GALNT13: variants seen among roughly 807,000 people sequenced by gnomAD.
GALNT13 encodes the protein polypeptide N-acetylgalactosaminyltransferase 13.
A neutral mutation model predicts 64.2 loss-of-function variants in GALNT13; 28 were observed. That is an observed-to-expected ratio of 0.44 (90% CI 0.32 to 0.60). The LOEUF is 0.60. Ranked by LOEUF, GALNT13 falls within the 20% of genes least tolerant of loss-of-function variation. The probability of loss-of-function intolerance (pLI) is 0.05; values close to 1 mark genes in which losing one functional copy is unlikely to be tolerated. For missense variants in GALNT13, 577 were observed against 669.8 expected (o/e 0.86, Z 1.53); for synonymous variants, 214 against 224.6 (o/e 0.95, Z 0.42).
intron 11 of GALNT13, among the ~76,000 whole-genome samples, chr2:154,429,377 G>A (rs549550323): frequency 1.1e-4 from 16 of 152,260 alleles, no homozygotes; most frequent in South Asian, 2.1e-4. Context: ...GCCTTATTCC[G>A]TATATAGAGA....
At chr2:154,417,637 G>A (rs1342607746) in intron 11 of GALNT13, among the ~76,000 whole-genome samples, 1 of 151,204 alleles carries the variant, frequency 6.6e-6, no homozygotes, top group African/African-American at 2.4e-5. Context: ...CAGCCCCCCC[G>A]AGTAGCTGGG....
At chr2:154,130,320 A>G (rs1682536472) in intron 3 of GALNT13, among the ~76,000 whole-genome samples, 1 of 152,172 alleles carries the variant, frequency 6.6e-6, no homozygotes, top group Non-Finnish European at 1.5e-5. Flanking sequence ...GTATGGACAT[A>G]GAGGTCAGCA....
At chr2:153,504,039 T>C in the GALNT13 span, among the ~76,000 whole-genome samples, 2 of 152,204 alleles carry the variant, frequency 1.3e-5, no homozygotes. Flanking sequence ...TCCATTTGTT[T>C]GTTTGTGTTG....
At chr2:153,430,153 A>T in the GALNT13 span, among the ~76,000 whole-genome samples, 24 of 152,290 alleles carry the variant, frequency 1.6e-4, 1 homozygote, top group East Asian at 4.6e-3. Context: ...ATATACAGAG[A>T]TAGCAACATG....
rs1330936417 is a variant in GALNT13 at position 154,446,892 on chromosome 2, CTCTG to C, written c.1531-3515_1531-3512del. 2.8e-5 allele frequency: 27 copies of C among 953,268 alleles called. No individual in the cohort carries two copies. In the Admixed American group the frequency reaches 6.1e-4, roughly 22 times the overall value. The allele number at this position is 953,268 out of a possible 1,614,324, so 59.1% of individuals were successfully genotyped here. On this transcript the variant is annotated intron_variant, in intron 12 of 12. Transcript: ENST00000392825. ...TGACCTTTTCTCCATGGAGTTAACT[CTCTG>C]TCTTTTACTTCCTAGCTACTCATTA...
chr2:154,192,260 C>T (rs540867698), intron 4 of GALNT13, among the ~76,000 whole-genome samples: 38 of 152,146 alleles, frequency 2.5e-4, no homozygotes, highest in Non-Finnish European at 1.9e-4. Context: ...TGTGCCTGCC[C>T]GCTAGGGTCT....
the GALNT13 span, among the ~76,000 whole-genome samples, chr2:153,150,210 T>C: frequency 6.6e-6 from 1 of 152,054 alleles, no homozygotes; most frequent in East Asian, 1.9e-4. Flanking sequence ...AGGGATAGGC[T>C]TAATGGAAGA....
chr2:154,335,618 G>A (rs182623746), intron 9 of GALNT13, among the ~76,000 whole-genome samples: 79 of 151,998 alleles, frequency 5.2e-4, no homozygotes, highest in African/African-American at 1.9e-3. Context: ...CTTCTAGGTA[G>A]AGGAAAAAAC....
intron 11 of GALNT13, among the ~76,000 whole-genome samples, chr2:154,417,489 T>TGTTATTTA (rs1700064068): frequency 7.6e-6 from 1 of 132,320 alleles, no homozygotes; most frequent in Non-Finnish European, 1.6e-5. Context: ...CTTGCCATGC[T>TGTTATTTA]TTTATTTATT....
intron 4 of GALNT13, among the ~76,000 whole-genome samples, chr2:154,241,134 C>T (rs575901773): frequency 1.3e-5 from 2 of 152,272 alleles, no homozygotes; most frequent in South Asian, 4.1e-4. Flanking sequence ...CAGATCTGCT[C>T]TTCTGGACGT....
the GALNT13 span, among the ~76,000 whole-genome samples, chr2:153,242,369 G>A: frequency 6.6e-6 from 1 of 151,858 alleles, no homozygotes; most frequent in South Asian, 2.1e-4. Flanking sequence ...TCCAAATCTA[G>A]AAAGAAAGAA....
At chr2:153,597,758 T>A in the GALNT13 span, among the ~76,000 whole-genome samples, 1 of 152,102 alleles carries the variant, frequency 6.6e-6, no homozygotes, top group Non-Finnish European at 1.5e-5. Flanking sequence ...TATATGTTCT[T>A]ATAGCTCAGT....
chr2:154,001,998 C>A (rs1449803759), intron 3 of GALNT13, among the ~76,000 whole-genome samples: 1 of 152,040 alleles, frequency 6.6e-6, no homozygotes, highest in East Asian at 1.9e-4. Context: ...TTATCCCAGT[C>A]TTTCTTGGAA....
the GALNT13 span, among the ~76,000 whole-genome samples, chr2:153,328,208 G>T: frequency 2.0e-5 from 3 of 152,314 alleles, no homozygotes; most frequent in South Asian, 6.2e-4. Flanking sequence ...CCAGATGCCA[G>T]CCAGAGGTCT....
chr2:154,242,235 T>C (rs71417297), intron 5 of GALNT13, 39 bp downstream of exon 5: 2 of 1,555,244 alleles, frequency 1.3e-6, no homozygotes, highest in East Asian at 4.5e-5. Context: ...TGTTTTTTTG[T>C]TTTGTTTTGT....
chr2:153,267,538 G>A, the GALNT13 span, among the ~76,000 whole-genome samples: 2 of 152,168 alleles, frequency 1.3e-5, no homozygotes, highest in South Asian at 2.1e-4. Context: ...GCTGTATCTT[G>A]GCCCCTTTTA....
intron 8 of GALNT13, among the ~76,000 whole-genome samples, chr2:154,261,358 CAA>C (rs1218332741): frequency 6.6e-6 from 1 of 151,990 alleles, no homozygotes; most frequent in Non-Finnish European, 1.5e-5. Flanking sequence ...TTAATAGAAA[CAA>C]AATATGTATT....
intron 9 of GALNT13, among the ~76,000 whole-genome samples, chr2:154,367,660 T>C (rs1347117141): frequency 6.6e-6 from 1 of 152,188 alleles, no homozygotes; most frequent in Non-Finnish European, 1.5e-5. Context: ...CAAACAAGAA[T>C]AAAATCTTTT....
intron 8 of GALNT13, among the ~76,000 whole-genome samples, chr2:154,286,336 T>C (rs565578811): frequency 6.6e-6 from 1 of 152,202 alleles, no homozygotes; most frequent in Non-Finnish European, 1.5e-5. Flanking sequence ...TTTTATTGTA[T>C]TGGGGTACAT....
Sources: gnomAD v4.1 joint callset for allele counts (sites outside exome capture counted in the v4.1 genomes callset) on GRCh38, gnomAD v4.1.1 for gene constraint, MANE v1.5 for transcripts, NCBI Gene and HGNC (gene_info 2026-07-23, HGNC 2026-07-21) for gene names.